The following CASTOR2 variants were observed in gnomAD, a reference collection of about 807,000 sequenced individuals.
CASTOR2 encodes GATS protein like 2.
Under a neutral mutation model 31.2 loss-of-function variants are expected in CASTOR2, and 8 were observed. That is an observed-to-expected ratio of 0.26 (90% CI 0.15 to 0.46). The LOEUF is 0.46. Ranked by LOEUF, CASTOR2 falls within the 20% of genes least tolerant of loss-of-function variation. The pLI is 0.99. For missense variants in CASTOR2, 216 were observed against 382.1 expected, an observed-to-expected ratio of 0.57 and a Z score of 3.62; for synonymous variants, 162 against 158.7, an observed-to-expected ratio of 1.02 and a Z score of -0.16.
At chr7:75,024,333 T>C (rs1805073644) in intron 7 of CASTOR2, 107 bp from the exon 8 acceptor site, 1 of 1,058,468 alleles carries the variant, frequency 9.4e-7, no homozygotes. Context: ...TCTAGGAGGA[T>C]GGTGGGTGCA....
rs1186882910 is a variant in CASTOR2 at position 75,026,188 on chromosome 7, GGTTT to G, written c.*1490_*1493del. On this transcript the variant is annotated 3_prime_UTR_variant, in exon 9 of 9. Coordinates refer to ENST00000616305, the MANE Select transcript of CASTOR2 (RefSeq NM_001145064.3). ...CCCCTGTGGTTTTGGCTCTGGCGGGGGTTTTTTTTTTTTTTTTTGAGATGGGAGT... is the reference window on the plus strand; with the variant it reads ...CCCCTGTGGTTTTGGCTCTGGCGGGGTTTTTTTTTTTTTTGAGATGGGAGT... Among the ~76,000 whole-genome samples the G allele has an allele frequency of 1.8e-5, 2 of 113,264 alleles. No individual in the cohort carries two copies. Among genetic ancestry groups the G allele is most frequent in the African/African-American group, 3.3e-5 (1 of 29,992 alleles). The allele number at this position is 113,264 out of a possible 152,430, so 74.3% of individuals were successfully genotyped here.
intron 2 of CASTOR2, among the ~76,000 whole-genome samples, chr7:75,014,594 A>C (rs1804825830): frequency 6.6e-6 from 1 of 151,074 alleles, no homozygotes; most frequent in East Asian, 1.9e-4. Context: ...ACTCTCGCTC[A>C]AAAAAAAAGG....
At chr7:74,984,667 T>G (rs1804021983) in intron 1 of CASTOR2, among the ~76,000 whole-genome samples, 6 of 152,270 alleles carry the variant, frequency 3.9e-5, no homozygotes, top group African/African-American at 1.2e-4. Context: ...TGACTCAGGT[T>G]CCTATGGGCC....
At chr7:74,992,491 G>A (rs1395608873) in intron 1 of CASTOR2, among the ~76,000 whole-genome samples, 1 of 152,112 alleles carries the variant, frequency 6.6e-6, no homozygotes, top group Middle Eastern at 3.2e-3. Flanking sequence ...CCAGGCTGGA[G>A]TGCAGTGGCA....
At position 75,026,188 on chromosome 7, in the gene CASTOR2, G is replaced by GTTTTTTTTTTTTTTTT. The variant is rs1178084776; in HGVS notation, c.*1489_*1490insTTTTTTTTTTTTTTTT. Among the ~76,000 whole-genome samples the GTTTTTTTTTTTTTTTT allele has an allele frequency of 1.4e-3, 157 of 113,236 alleles. 2 individuals carry two copies. Among genetic ancestry groups the GTTTTTTTTTTTTTTTT allele is most frequent in the Middle Eastern group, 7.0e-3 (1 of 142 alleles). 74.3% of individuals were successfully genotyped at this position (113,236 alleles called of 152,430 possible). On this transcript the variant is annotated 3_prime_UTR_variant, in exon 9 of 9. Transcript: ENST00000616305. ...CCCCTGTGGTTTTGGCTCTGGCGGG[G>GTTTTTTTTTTTTTTTT]GTTTTTTTTTTTTTTTTTGAGATGG...
chr7:74,990,089 A>G (rs1804169595), intron 1 of CASTOR2, among the ~76,000 whole-genome samples: 1 of 152,098 alleles, frequency 6.6e-6, no homozygotes, highest in Non-Finnish European at 1.5e-5. Flanking sequence ...ATTTTATCTC[A>G]TTAAAAACAT....
chr7:74,988,166 G>A (rs1434281064), intron 1 of CASTOR2, among the ~76,000 whole-genome samples: 1 of 150,584 alleles, frequency 6.6e-6, no homozygotes, highest in African/African-American at 2.4e-5. Flanking sequence ...GTCTGGTTCT[G>A]TCACCCAGGC....
chr7:75,031,375 C>G lies in CASTOR2; in HGVS notation c.*6676C>G, dbSNP rs910403540. Among the ~76,000 whole-genome samples, 2 of 152,208 alleles carry G rather than the reference C, an allele frequency of 1.3e-5. No homozygotes were observed. The highest frequency in any genetic ancestry group is 1.3e-4 in the Admixed American group (2 of 15,276). The stretch of plus-strand genomic sequence containing the variant: ...AACCTGCCATCTTATCCCTACCCCC[C>G]CGGGGCCCTCAAGCTTATTTTCTTG... On this transcript the variant is annotated 3_prime_UTR_variant, in exon 9 of 9. Coordinates refer to ENST00000616305, the MANE Select transcript of CASTOR2 (RefSeq NM_001145064.3).
chr7:75,022,016 C>A, intron 7 of CASTOR2, 60 bp downstream of exon 7: 3 of 1,540,922 alleles, frequency 1.9e-6, no homozygotes, highest in Non-Finnish European at 2.6e-6. Context: ...AGCCCATTCA[C>A]ATACGTTGTC....
intron 1 of CASTOR2, among the ~76,000 whole-genome samples, chr7:74,986,275 C>T (rs1804063360): frequency 6.7e-6 from 1 of 149,380 alleles, no homozygotes; most frequent in South Asian, 2.1e-4. Flanking sequence ...ATCACAAGGT[C>T]AGGAGTTCAA....
chr7:75,018,155 A>G, intron 4 of CASTOR2, 33 bp downstream of exon 4: 1 of 1,608,326 alleles, frequency 6.2e-7, no homozygotes, highest in South Asian at 1.1e-5. Context: ...TGCAGGGGAA[A>G]CCTCACGAAG....
At chr7:74,993,073 G>A (rs1340325519) in intron 1 of CASTOR2, among the ~76,000 whole-genome samples, 13 of 151,920 alleles carry the variant, frequency 8.6e-5, no homozygotes, top group South Asian at 4.1e-4. Flanking sequence ...GGTGGCACGC[G>A]CCTGTAGTCC....
chr7:75,017,317 T>C (rs1475096700), intron 2 of CASTOR2, among the ~76,000 whole-genome samples: 1 of 151,858 alleles, frequency 6.6e-6, no homozygotes, highest in Non-Finnish European at 1.5e-5. Context: ...CGTGGTGGCA[T>C]GTGCCTGTAA....
chr7:74,982,453 G>GCA (rs1436391248), intron 1 of CASTOR2, among the ~76,000 whole-genome samples: 18 of 151,552 alleles, frequency 1.2e-4, no homozygotes, highest in African/African-American at 4.4e-4. Context: ...TGACTCCTTT[G>GCA]CACACACCCA....
intron 1 of CASTOR2, among the ~76,000 whole-genome samples, chr7:74,998,863 C>A (rs1383466024): frequency 1.3e-5 from 2 of 152,132 alleles, no homozygotes; most frequent in Non-Finnish European, 2.9e-5. Flanking sequence ...TTTGTGATTT[C>A]TTCTGCCCTA....
intron 6 of CASTOR2, among the ~76,000 whole-genome samples, chr7:75,021,128 A>T (rs1727378622): frequency 2.0e-5 from 3 of 152,124 alleles, no homozygotes; most frequent in African/African-American, 7.2e-5. Flanking sequence ...AGTAGCTGGA[A>T]CTACAGGCGC....
At chr7:74,993,786 A>G (rs1584466039) in intron 1 of CASTOR2, among the ~76,000 whole-genome samples, 1 of 132,656 alleles carries the variant, frequency 7.5e-6, no homozygotes, top group South Asian at 2.5e-4. Context: ...CTGGTGGTAA[A>G]CTGTGCCACA....
At chr7:74,987,220 C>T (rs1308063472) in intron 1 of CASTOR2, among the ~76,000 whole-genome samples, 88 of 152,134 alleles carry the variant, frequency 5.8e-4, no homozygotes, top group Non-Finnish European at 6.8e-4. Flanking sequence ...GCCTGGCCAA[C>T]ATGGTGAAAC....
At chr7:75,007,245 A>G (rs1418784365) in intron 1 of CASTOR2, among the ~76,000 whole-genome samples, 1 of 152,146 alleles carries the variant, frequency 6.6e-6, no homozygotes, top group Admixed American at 6.6e-5. Flanking sequence ...AAAAGCCTAG[A>G]AGCTCAGCCC....
Sources: allele counts gnomAD v4.1 joint callset (sites outside exome capture counted in the v4.1 genomes callset), GRCh38; gene constraint gnomAD v4.1.1; transcripts MANE v1.5; gene names NCBI Gene and HGNC (gene_info 2026-07-23, HGNC 2026-07-21).